The following NIPSNAP3B variants were observed in gnomAD, a reference collection of about 807,000 sequenced individuals.
The protein encoded by NIPSNAP3B is protein NipSnap homolog 3B.
In NIPSNAP3B, 30 loss-of-function variants were observed where a neutral mutation model predicts 31.5. The ratio of observed to expected loss-of-function variants is 0.95; its 90% CI spans 0.71 to 1.29. NIPSNAP3B has a LOEUF of 1.29. NIPSNAP3B is among the 50% of genes most tolerant of loss of function. The probability of loss-of-function intolerance (pLI) is 0.00; values close to 1 mark genes in which losing one functional copy is unlikely to be tolerated. For missense variants in NIPSNAP3B, 269 were observed against 300.7 expected (o/e 0.89, Z 0.78); for synonymous variants, 106 against 107.9 (o/e 0.98, Z 0.11).
At chr9:104,770,428 T>C (rs1221479712) in intron 3 of NIPSNAP3B, among the ~76,000 whole-genome samples, 3 of 152,170 alleles carry the variant, frequency 2.0e-5, no homozygotes, top group African/African-American at 7.2e-5. Flanking sequence ...CCTCTCAAAA[T>C]TGAAAAGGAG....
the NIPSNAP3B span, chr9:104,786,784 G>A: frequency 2.8e-3 from 3,409 of 1,235,416 alleles, 79 homozygotes; most frequent in African/African-American, 0.042. Flanking sequence ...TTGCTTTTCT[G>A]TATTTTCTAA....
downstream of NIPSNAP3B, chr9:104,782,608 T>C (rs1588177995): frequency 1.3e-5 from 2 of 152,150 alleles, no homozygotes; most frequent in African/African-American, 4.8e-5. Context: ...ATGCTCCATA[T>C]GGAAGTATTT....
At chr9:104,787,702 T>C in the NIPSNAP3B span, 7 of 284,200 alleles carry the variant, frequency 2.5e-5, no homozygotes, top group Non-Finnish European at 3.2e-5. Flanking sequence ...AGAAACAAAG[T>C]GCTTGGAGTG....
At position 104,775,199 on chromosome 9, in the gene NIPSNAP3B, A is replaced by AC; in HGVS notation, c.*2126_*2127insC. ...ATACTTTTTTTTCCTATCTTTAAAAAAAAAAAAGAGTAAAATCACCCCATT... is the reference window on the plus strand; with the variant it reads ...ATACTTTTTTTTCCTATCTTTAAAAACAAAAAAAGAGTAAAATCACCCCATT... On this transcript the variant is annotated 3_prime_UTR_variant, in exon 6 of 6. Coordinates refer to ENST00000374762, the MANE Select transcript of NIPSNAP3B (RefSeq NM_018376.4). 6.6e-6 allele frequency among the ~76,000 whole-genome samples: 1 copy of AC among 152,012 alleles called. No homozygotes were observed. Among genetic ancestry groups the AC allele is most frequent in the Non-Finnish European group, 1.5e-5 (1 of 68,010 alleles).
In NIPSNAP3B at chr9:104,773,210, C is replaced by CG. The variant is rs1828264069; in HGVS notation, c.*137_*138insG. 1.2e-6 allele frequency: 1 copy of CG among 821,100 alleles called. No individual in the cohort carries two copies. Among genetic ancestry groups the CG allele is most frequent in the Admixed American group, 2.6e-5 (1 of 37,946 alleles). The allele number at this position is 821,100 out of a possible 1,614,324, so 50.9% of individuals were successfully genotyped here. A position where few individuals can be genotyped will look rare whatever the true frequency, so the allele number is the denominator to read the frequency against. On this transcript the variant is annotated 3_prime_UTR_variant, in exon 6 of 6. Coordinates refer to ENST00000374762, the MANE Select transcript of NIPSNAP3B (RefSeq NM_018376.4). ...ATTAGTTAATTTGCTGTGCTTCTTG[C>CG]ATTTTTGAAAGTTACATATTCTCCA...
In NIPSNAP3B at chr9:104,770,872, C is replaced by T; in HGVS notation, c.454C>T (p.Gln152Ter). The change falls in exon 4 of 6, where the codon CAG (glutamine) becomes TAG (stop). Residue 152 changes from glutamine (Q) to a stop codon, truncating the protein, a stop_gained. Coordinates refer to ENST00000374762, the MANE Select transcript of NIPSNAP3B (RefSeq NM_018376.4). LOFTEE classifies it high-confidence loss of function. The part of the protein sequence containing the change: ...KEGVYELAVF[Q>*]MKPGGPALWG... ...AGGAGTCTATGAACTAGCTGTTTTT[C>T]AGATGAAACCTGGTGGGCCAGCTCT... 6.2e-7 allele frequency: 1 copy of T among 1,613,600 alleles called. No individual in the cohort carries two copies. The highest frequency in any genetic ancestry group is 2.2e-5 in the East Asian group (1 of 44,856).
chr9:104,784,016 G>T, the NIPSNAP3B span: 3 of 294,444 alleles, frequency 1.0e-5, no homozygotes, highest in Non-Finnish European at 1.3e-5. Flanking sequence ...AAAAGTGTGA[G>T]TTCAAACCCA....
At position 104,773,166 on chromosome 9, in the gene NIPSNAP3B, T is replaced by G. The variant is rs1828263051; in HGVS notation, c.*93T>G. ...CTCCCAAGAGGTTCTCGCTTTTATTTGAAGGAGGTGGTAAGTTAATTAGTT... is the reference window on the plus strand; with the variant it reads ...CTCCCAAGAGGTTCTCGCTTTTATTGGAAGGAGGTGGTAAGTTAATTAGTT... On this transcript the variant is annotated 3_prime_UTR_variant, in exon 6 of 6. Transcript: ENST00000374762. 2 of 1,246,880 alleles carry G rather than the reference T, an allele frequency of 1.6e-6. No individual in the cohort carries two copies. The highest frequency in any genetic ancestry group is 4.8e-5 in the East Asian group (2 of 41,594). 77.2% of individuals were successfully genotyped at this position (1,246,880 alleles called of 1,614,324 possible). A position where few individuals can be genotyped will look rare whatever the true frequency, so the allele number is the denominator to read the frequency against.
the NIPSNAP3B span, chr9:104,787,784 C>T: frequency 6.3e-7 from 1 of 1,586,778 alleles, no homozygotes; most frequent in Non-Finnish European, 8.6e-7. Flanking sequence ...CTTCCCTCTG[C>T]TTTTCCAAGG....
chr9:104,768,836 A>G (rs1372973939), intron 2 of NIPSNAP3B, 27 bp from the exon 3 acceptor site: 1 of 1,578,318 alleles, frequency 6.3e-7, no homozygotes, highest in African/African-American at 1.4e-5. Flanking sequence ...ATAAAAAAAC[A>G]TTTTCTTAAC....
chr9:104,784,320 C>T, the NIPSNAP3B span: 1 of 1,614,114 alleles, frequency 6.2e-7, no homozygotes, highest in Admixed American at 1.7e-5. Context: ...ATTCTTCATA[C>T]ATAGCTTTCT....
At chr9:104,788,188 A>G in the NIPSNAP3B span, 4 of 1,214,598 alleles carry the variant, frequency 3.3e-6, no homozygotes, top group Non-Finnish European at 4.9e-6. Context: ...ACTGGTGAGG[A>G]GCCAAAGCAG....
chr9:104,783,968 C>T, the NIPSNAP3B span: 1 of 205,756 alleles, frequency 4.9e-6, no homozygotes, highest in East Asian at 1.1e-4. Context: ...ATTATTGTTG[C>T]AACCCCAATG....
chr9:104,788,105 A>C, the NIPSNAP3B span: 1 of 1,567,526 alleles, frequency 6.4e-7, no homozygotes, highest in East Asian at 2.2e-5. Context: ...GAATTTTATC[A>C]TGCTGTCCTA....
At chr9:104,786,087 G>A in the NIPSNAP3B span, among the ~76,000 whole-genome samples, 1 of 152,180 alleles carries the variant, frequency 6.6e-6, no homozygotes, top group Non-Finnish European at 1.5e-5. Flanking sequence ...TCTTACAGTA[G>A]TTAAGTCACT....
chr9:104,786,324 A>C, the NIPSNAP3B span: 4 of 1,614,024 alleles, frequency 2.5e-6, no homozygotes, highest in African/African-American at 5.3e-5. Flanking sequence ...GGACACTGCC[A>C]AGGCACCTGA....
At chr9:104,765,781 C>T (rs1195402126) in intron 1 of NIPSNAP3B, among the ~76,000 whole-genome samples, 3 of 152,064 alleles carry the variant, frequency 2.0e-5, no homozygotes, top group African/African-American at 4.8e-5. Context: ...TGTTTTTGAC[C>T]GGTAGTCTTC....
At chr9:104,785,749 GC>G in the NIPSNAP3B span, 1 of 1,340,062 alleles carries the variant, frequency 7.5e-7, no homozygotes, top group Non-Finnish European at 1.0e-6. Context: ...CCCCTGGCAG[GC>G]CCAGAAATAA....
At chr9:104,768,263 A>G (rs1034410331) in intron 2 of NIPSNAP3B, among the ~76,000 whole-genome samples, 18 of 152,198 alleles carry the variant, frequency 1.2e-4, no homozygotes, top group African/African-American at 4.1e-4. Context: ...CTGACAAGAA[A>G]TAAAAGAATC....
Sources: allele counts gnomAD v4.1 joint callset (sites outside exome capture counted in the v4.1 genomes callset), GRCh38; gene constraint gnomAD v4.1.1; transcripts MANE v1.5; gene names NCBI Gene and HGNC (gene_info 2026-07-23, HGNC 2026-07-21).